RPS6KC1: variants seen among roughly 807,000 people sequenced by gnomAD.
RPS6KC1 encodes the protein inactive ribosomal protein S6 kinase delta-1.
A neutral mutation model predicts 103.8 loss-of-function variants in RPS6KC1; 54 were observed. The observed-to-expected ratio is 0.52, with a 90% confidence interval of 0.42 to 0.65. The LOEUF (loss-of-function observed/expected upper bound fraction) is 0.65, where lower values mean the gene tolerates loss of function less well. Among genes scored for constraint, RPS6KC1 ranks in the 30% least tolerant of loss-of-function variants. The pLI, the probability that RPS6KC1 is intolerant of heterozygous loss-of-function variation, is 0.00. For synonymous variants in RPS6KC1, 439 were observed against 438.7 expected (o/e 1.00, Z -0.01); for missense variants, 1,151 against 1,253.8 (o/e 0.92, Z 1.24).
the RPS6KC1 span, among the ~76,000 whole-genome samples, chr1:213,589,938 G>GGGGGGTGTGTGTGT: frequency 2.9e-4 from 38 of 132,732 alleles, no homozygotes; most frequent in African/African-American, 1.1e-3. Context: ...AAAAGGTAGT[G>GGGGGGTGTGTGTGT]GTGTGTGTGT....
the RPS6KC1 span, among the ~76,000 whole-genome samples, chr1:213,558,002 T>G: frequency 6.6e-6 from 1 of 152,200 alleles, no homozygotes; most frequent in Admixed American, 6.5e-5. Context: ...TCTAGAAGGA[T>G]GAGTTGCAAG....
chr1:213,205,999 A>G (rs1412183744), intron 8 of RPS6KC1, among the ~76,000 whole-genome samples: 1 of 152,126 alleles, frequency 6.6e-6, no homozygotes, highest in Non-Finnish European at 1.5e-5. Flanking sequence ...ATTTTAGAAC[A>G]TTTTGGATTT....
intron 8 of RPS6KC1, among the ~76,000 whole-genome samples, chr1:213,229,993 A>G (rs1045214317): frequency 5.9e-5 from 9 of 152,160 alleles, no homozygotes; most frequent in African/African-American, 2.2e-4. Context: ...TTGAAGACAG[A>G]GCTGACAGGA....
At chr1:213,057,242 ACT>A (rs1481804594) in intron 1 of RPS6KC1, among the ~76,000 whole-genome samples, 3 of 151,636 alleles carry the variant, frequency 2.0e-5, no homozygotes, top group South Asian at 2.1e-4. Flanking sequence ...TGCCCGGCTG[ACT>A]CTGTCTTTTT....
At chr1:213,341,765 G>A in the RPS6KC1 span, among the ~76,000 whole-genome samples, 2 of 152,208 alleles carry the variant, frequency 1.3e-5, no homozygotes, top group Non-Finnish European at 2.9e-5. Flanking sequence ...GGGATGTTAA[G>A]TAACTTGTCC....
chr1:213,058,292 T>G (rs2077524394), intron 1 of RPS6KC1, among the ~76,000 whole-genome samples: 1 of 152,030 alleles, frequency 6.6e-6, no homozygotes, highest in African/African-American at 2.4e-5. Context: ...AGTTTATCAG[T>G]TCTTTATTTT....
the RPS6KC1 span, among the ~76,000 whole-genome samples, chr1:213,392,135 C>G: frequency 6.6e-6 from 1 of 152,104 alleles, no homozygotes; most frequent in Non-Finnish European, 1.5e-5. Flanking sequence ...CAGAAAAAGT[C>G]CCACCCATGA....
At chr1:213,501,215 G>A in the RPS6KC1 span, among the ~76,000 whole-genome samples, 5 of 152,118 alleles carry the variant, frequency 3.3e-5, no homozygotes, top group East Asian at 3.8e-4. Flanking sequence ...GTATTACAAC[G>A]GTTGAATAAT....
the RPS6KC1 span, among the ~76,000 whole-genome samples, chr1:213,302,934 A>G: frequency 6.6e-6 from 1 of 152,358 alleles, no homozygotes; most frequent in Non-Finnish European, 1.5e-5. Context: ...AGAAACATCA[A>G]CATCATCTGA....
At chr1:213,398,196 CTT>C in the RPS6KC1 span, among the ~76,000 whole-genome samples, 156 of 109,444 alleles carry the variant, frequency 1.4e-3, no homozygotes, top group African/African-American at 6.5e-3. Context: ...CACACCTGGC[CTT>C]TTTTTTTTTT....
chr1:213,055,652 T>A (rs919832488), intron 1 of RPS6KC1, among the ~76,000 whole-genome samples: 1 of 152,228 alleles, frequency 6.6e-6, no homozygotes, highest in Admixed American at 6.5e-5. Context: ...TTTCTCAAAA[T>A]TGTTCTGGCT....
chr1:213,543,592 A>G, the RPS6KC1 span, among the ~76,000 whole-genome samples: 11 of 152,342 alleles, frequency 7.2e-5, no homozygotes, highest in African/African-American at 2.4e-4. Flanking sequence ...CATCCATGCC[A>G]AATTTAAAGC....
At chr1:213,768,825 A>C in the RPS6KC1 span, among the ~76,000 whole-genome samples, 124,076 of 152,176 alleles carry the variant, frequency 0.82, 50,918 homozygotes, top group East Asian at 0.98. Flanking sequence ...TGTGATTAAA[A>C]CTTTAAAAAG....
chr1:213,791,499 T>C, the RPS6KC1 span, among the ~76,000 whole-genome samples: 2 of 152,110 alleles, frequency 1.3e-5, no homozygotes, highest in Admixed American at 1.3e-4. Context: ...TCTGTTCCAA[T>C]GGGAGAAATT....
the RPS6KC1 span, among the ~76,000 whole-genome samples, chr1:213,615,064 C>G: frequency 1.3e-5 from 2 of 152,194 alleles, no homozygotes; most frequent in African/African-American, 4.8e-5. Context: ...TGACACCATA[C>G]TATTCCTATG....
the RPS6KC1 span, among the ~76,000 whole-genome samples, chr1:213,695,089 A>G: frequency 6.6e-6 from 1 of 152,182 alleles, no homozygotes; most frequent in Non-Finnish European, 1.5e-5. Context: ...GTTCTGTCTG[A>G]TTCATTCACT....
chr1:213,428,554 C>T, the RPS6KC1 span, among the ~76,000 whole-genome samples: 42 of 126,230 alleles, frequency 3.3e-4, no homozygotes, highest in Non-Finnish European at 4.9e-4. Context: ...CTTTCTTTCT[C>T]TCTCGCTCGC....
chr1:213,468,625 T>G, the RPS6KC1 span, among the ~76,000 whole-genome samples: 1 of 151,996 alleles, frequency 6.6e-6, no homozygotes, highest in African/African-American at 2.4e-5. Flanking sequence ...AGAACATCTG[T>G]CTGAGGTTCT....
At chr1:213,277,149 C>T (rs2095114015), downstream of RPS6KC1, among the ~76,000 whole-genome samples, 1 of 152,194 alleles carries the variant, frequency 6.6e-6, no homozygotes, top group African/African-American at 2.4e-5. Context: ...GCTGTGAAGT[C>T]AGCTATTTCT....
Sources: allele counts gnomAD v4.1 joint callset (sites outside exome capture counted in the v4.1 genomes callset), GRCh38; gene constraint gnomAD v4.1.1; transcripts MANE v1.5; gene names NCBI Gene and HGNC (gene_info 2026-07-23, HGNC 2026-07-21).